The following ZMYM6 variants were observed in gnomAD, a reference collection of about 807,000 sequenced individuals.
ZMYM6 encodes zinc finger MYM-type protein 6.
Under a neutral mutation model 134.0 loss-of-function variants are expected in ZMYM6, and 90 were observed. The ratio of observed to expected loss-of-function variants is 0.67; its 90% CI spans 0.57 to 0.80. The LOEUF is 0.80. Ranked by LOEUF, ZMYM6 falls within the 30% of genes least tolerant of loss-of-function variation. The pLI, the probability that ZMYM6 is intolerant of heterozygous loss-of-function variation, is 0.00. For missense variants in ZMYM6, 1,362 were observed against 1,533.9 expected (o/e 0.89, Z 1.87); for synonymous variants, 481 against 524.1 (o/e 0.92, Z 1.12).
chr1:35,015,521 C>T (rs1041451529), intron 4 of ZMYM6, among the ~76,000 whole-genome samples: 10 of 151,428 alleles, frequency 6.6e-5, no homozygotes, highest in African/African-American at 2.2e-4. Flanking sequence ...GTCAGGAGTT[C>T]GAGACCAGCC....
intron 14 of ZMYM6, among the ~76,000 whole-genome samples, chr1:35,000,516 G>C (rs1302641456): frequency 6.6e-6 from 1 of 152,114 alleles, no homozygotes; most frequent in Non-Finnish European, 1.5e-5. Context: ...TGGGATTACA[G>C]ACGTGAGCCA....
chr1:35,004,130 G>A (rs1640924058), intron 13 of ZMYM6, 125 bp from the exon 14 acceptor site: 3 of 792,996 alleles, frequency 3.8e-6, no homozygotes, highest in Non-Finnish European at 6.0e-6. Context: ...CAGAAAAATG[G>A]TACAAGGAAA....
intron 6 of ZMYM6, chr1:35,013,636 G>A (rs974582220): frequency 2.0e-6 from 2 of 985,090 alleles, no homozygotes; most frequent in African/African-American, 3.5e-5. Flanking sequence ...AATCAAACTT[G>A]CTAACTGAAA....
intron 14 of ZMYM6, among the ~76,000 whole-genome samples, chr1:34,995,958 T>C (rs889169418): frequency 1.3e-5 from 2 of 152,174 alleles, no homozygotes; most frequent in African/African-American, 4.8e-5. Context: ...TTGTATAGTA[T>C]TCCATTATTA....
At chr1:35,012,676 T>C (rs1641107701) in intron 6 of ZMYM6, 95 bp from the exon 7 acceptor site, 1 of 1,503,338 alleles carries the variant, frequency 6.7e-7, no homozygotes. Flanking sequence ...ACAACCACGG[T>C]CCTTGGTTGA....
intron 14 of ZMYM6, among the ~76,000 whole-genome samples, chr1:34,995,513 A>G (rs1015435599): frequency 2.0e-5 from 3 of 152,080 alleles, no homozygotes; most frequent in East Asian, 1.9e-4. Flanking sequence ...ACAATATACT[A>G]TAATAAAAAT....
At chr1:34,997,773 G>A (rs898142880) in intron 14 of ZMYM6, among the ~76,000 whole-genome samples, 3 of 152,140 alleles carry the variant, frequency 2.0e-5, no homozygotes, top group Non-Finnish European at 2.9e-5. Context: ...CCTCTACACC[G>A]TTAAAATTTT....
At chr1:35,001,835 G>A (rs1467332450) in intron 14 of ZMYM6, among the ~76,000 whole-genome samples, 1 of 152,140 alleles carries the variant, frequency 6.6e-6, no homozygotes, top group Non-Finnish European at 1.5e-5. Flanking sequence ...ACTAAATTAG[G>A]ATAAGCTACC....
chr1:35,020,238 G>C, intron 3 of ZMYM6, 145 bp downstream of exon 3: 1 of 567,460 alleles, frequency 1.8e-6, no homozygotes, highest in Non-Finnish European at 3.0e-6. Flanking sequence ...TTTTTAAAAC[G>C]CTGCTGAAAA....
At chr1:35,011,269 C>T (rs1240470870) in intron 8 of ZMYM6, among the ~76,000 whole-genome samples, 1 of 152,084 alleles carries the variant, frequency 6.6e-6, no homozygotes, top group African/African-American at 2.4e-5. Context: ...CCAGTATATG[C>T]CTCTAATAAA....
chr1:35,010,338 T>C, intron 10 of ZMYM6, 109 bp downstream of exon 10: 1 of 1,412,546 alleles, frequency 7.1e-7, no homozygotes, highest in Non-Finnish European at 9.6e-7. Flanking sequence ...TACTTCTAAT[T>C]ACACCTTGTA....
In ZMYM6 at chr1:34,986,987, T is replaced by A; in HGVS notation, c.*117A>T. On this transcript the variant is annotated 3_prime_UTR_variant, in exon 16 of 16. Coordinates refer to ENST00000357182, the MANE Select transcript of ZMYM6 (RefSeq NM_007167.4). ...AATTCCTCAACAAAAAGGGAAAAAT[T>A]ATTAAAACATTTAATCACTGAAAAC... The A allele has an allele frequency of 1.0e-5, 7 of 677,896 alleles. No individual in the cohort carries two copies. The highest frequency in any genetic ancestry group is 1.5e-5 in the Non-Finnish European group (7 of 452,416). The allele number at this position is 677,896 out of a possible 1,614,324, so 42.0% of individuals were successfully genotyped here. A position where few individuals can be genotyped will look rare whatever the true frequency, so the allele number is the denominator to read the frequency against.
intron 2 of ZMYM6, 118 bp downstream of exon 2, chr1:35,030,429 T>G (rs760941424): frequency 1.2e-3 from 1,081 of 904,180 alleles, no homozygotes; most frequent in Non-Finnish European, 1.6e-3. Flanking sequence ...CGAGAGCCTG[T>G]CTCAGTTTGG....
At position 35,012,985 on chromosome 1, in the gene ZMYM6, T is replaced by C. The variant is rs1347181822; in HGVS notation, c.796-404A>G. The stretch of plus-strand genomic sequence containing the variant: ...AGGTTACTTAATTTGTGAGATTCTT[T>C]AGCAGGAGATAGAAATGATATTTAA... On this transcript the variant is annotated intron_variant, in intron 6 of 15. Coordinates refer to ENST00000357182, the MANE Select transcript of ZMYM6 (RefSeq NM_007167.4). 37 of 981,940 alleles carry C rather than the reference T, an allele frequency of 3.8e-5. No individual in the cohort carries two copies. In the Admixed American group the frequency reaches 2.2e-3, roughly 57 times the overall value. The allele number at this position is 981,940 out of a possible 1,614,324, so 60.8% of individuals were successfully genotyped here.
chr1:35,004,136 G>A (rs1278033977), intron 13 of ZMYM6, 131 bp from the exon 14 acceptor site: 16 of 726,710 alleles, frequency 2.2e-5, no homozygotes, highest in Non-Finnish European at 3.6e-5. Context: ...AATGGTACAA[G>A]GAAACTGCAT....
intron 15 of ZMYM6, 79 bp from the exon 16 acceptor site, chr1:34,989,014 A>C: frequency 6.5e-7 from 1 of 1,529,008 alleles, no homozygotes; most frequent in South Asian, 1.3e-5. Flanking sequence ...ACATATTTAA[A>C]ATTCATATTT....
chr1:35,015,446 C>A (rs897887061), intron 4 of ZMYM6, among the ~76,000 whole-genome samples: 1 of 151,838 alleles, frequency 6.6e-6, no homozygotes, highest in African/African-American at 2.4e-5. Flanking sequence ...CCAGCCAGGG[C>A]CAGGTGCGGT....
At chr1:35,021,387 C>T (rs533690125) in intron 2 of ZMYM6, among the ~76,000 whole-genome samples, 5 of 151,766 alleles carry the variant, frequency 3.3e-5, no homozygotes, top group East Asian at 3.9e-4. Flanking sequence ...TCAGGTGATC[C>T]GCCCACTTTG....
chr1:35,030,266 C>T (rs1342064736), intron 2 of ZMYM6: 2 of 271,156 alleles, frequency 7.4e-6, no homozygotes, highest in Admixed American at 1.1e-4. Flanking sequence ...CCCGTCTCTA[C>T]CAAAAATACA....
Sources: allele counts gnomAD v4.1 joint callset (sites outside exome capture counted in the v4.1 genomes callset), GRCh38; gene constraint gnomAD v4.1.1; transcripts MANE v1.5; gene names NCBI Gene and HGNC (gene_info 2026-07-23, HGNC 2026-07-21).